PCDH15: variants seen among roughly 807,000 people sequenced by gnomAD.
PCDH15 encodes protocadherin-15.
PCDH15 carries 129 observed loss-of-function variants against 178.5 expected under a neutral mutation model. The observed-to-expected ratio is 0.72, with a 90% CI of 0.63 to 0.84. PCDH15 has a LOEUF of 0.84. Ranked by LOEUF, PCDH15 falls within the 40% of genes least tolerant of loss-of-function variation. The probability of loss-of-function intolerance (pLI) is 0.00; values close to 1 mark genes in which losing one functional copy is unlikely to be tolerated. For missense variants in PCDH15, 2,230 were observed against 2,099.9 expected (o/e 1.06, Z -1.21); for synonymous variants, 800 against 732.0 (o/e 1.09, Z -1.50).
intron 3 of PCDH15, among the ~76,000 whole-genome samples, chr10:54,511,914 A>G (rs549859719): frequency 6.6e-6 from 1 of 152,030 alleles, no homozygotes; most frequent in Non-Finnish European, 1.5e-5. Context: ...TGAACTTTGA[A>G]GCCCAGTTGG....
intron 2 of PCDH15, among the ~76,000 whole-genome samples, chr10:55,553,632 A>G (rs998172853): frequency 1.4e-4 from 22 of 151,868 alleles, no homozygotes; most frequent in Non-Finnish European, 2.7e-4. Flanking sequence ...CCTCTTGTTC[A>G]TTAGCTGTGA....
intron 2 of PCDH15, among the ~76,000 whole-genome samples, chr10:54,914,994 T>C (rs1447993667): frequency 6.6e-6 from 1 of 152,242 alleles, no homozygotes; most frequent in Non-Finnish European, 1.5e-5. Context: ...TTTTACCCTG[T>C]ATCACTGGTG....
chr10:55,618,566 C>T (rs1417555053), intron 2 of PCDH15, among the ~76,000 whole-genome samples: 3 of 152,050 alleles, frequency 2.0e-5, no homozygotes, highest in African/African-American at 4.8e-5. Context: ...CCCCAAAACA[C>T]TTGTTCAAAA....
At chr10:54,810,115 T>G (rs1952839883) in intron 3 of PCDH15, among the ~76,000 whole-genome samples, 1 of 152,146 alleles carries the variant, frequency 6.6e-6, no homozygotes, top group Admixed American at 6.5e-5. Flanking sequence ...CAAAAATGAA[T>G]GCTCAGGATA....
At chr10:53,914,582 G>T (rs1219539034) in intron 25 of PCDH15, among the ~76,000 whole-genome samples, 1 of 152,136 alleles carries the variant, frequency 6.6e-6, no homozygotes, top group Non-Finnish European at 1.5e-5. Flanking sequence ...CTTGGACACA[G>T]GGGAGGGAAC....
At chr10:54,403,772 T>A (rs1253992766) in intron 3 of PCDH15, among the ~76,000 whole-genome samples, 2 of 151,720 alleles carry the variant, frequency 1.3e-5, no homozygotes, top group African/African-American at 4.8e-5. Context: ...CGTACAAAAA[T>A]CACTAGCACT....
intron 30 of PCDH15, among the ~76,000 whole-genome samples, chr10:53,829,163 G>A (rs538310165): frequency 7.2e-5 from 11 of 152,266 alleles, no homozygotes; most frequent in African/African-American, 2.4e-4. Flanking sequence ...AGGTACAAAT[G>A]TTAGGTCTTT....
At chr10:54,556,834 A>C (rs1389063561) in intron 2 of PCDH15, among the ~76,000 whole-genome samples, 2 of 151,814 alleles carry the variant, frequency 1.3e-5, no homozygotes, top group Admixed American at 6.6e-5. Flanking sequence ...TATTATAAGC[A>C]TAATTAGCTG....
At chr10:55,173,357 A>T (rs1422368481) in intron 1 of PCDH15, among the ~76,000 whole-genome samples, 1 of 96,148 alleles carries the variant, frequency 1.0e-5, no homozygotes, top group Non-Finnish European at 2.6e-5. Flanking sequence ...ATGTGTATGT[A>T]GAAGGATGGG....
intron 2 of PCDH15, among the ~76,000 whole-genome samples, chr10:55,135,149 A>G (rs1213520419): frequency 6.6e-6 from 1 of 152,170 alleles, no homozygotes; most frequent in African/African-American, 2.4e-5. Context: ...TTTAAATTTC[A>G]TAATAGATTA....
intron 7 of PCDH15, among the ~76,000 whole-genome samples, chr10:54,320,308 C>A (rs2061518828): frequency 1.3e-5 from 2 of 152,146 alleles, no homozygotes; most frequent in South Asian, 4.1e-4. Context: ...CCTTTGACTC[C>A]TAGAAACCTA....
intron 2 of PCDH15, among the ~76,000 whole-genome samples, chr10:55,152,008 A>C (rs934720907): frequency 1.3e-5 from 2 of 152,042 alleles, no homozygotes; most frequent in African/African-American, 4.8e-5. Context: ...TATGTGGATG[A>C]AAGAGATGAG....
chr10:54,819,445 A>T (rs1040202987), intron 3 of PCDH15, among the ~76,000 whole-genome samples: 1 of 151,970 alleles, frequency 6.6e-6, no homozygotes, highest in Admixed American at 6.6e-5. Flanking sequence ...GTTTTAAAAA[A>T]CAGAGCTTAT....
At chr10:55,563,359 T>A (rs1215572859) in intron 2 of PCDH15, among the ~76,000 whole-genome samples, 1 of 151,656 alleles carries the variant, frequency 6.6e-6, no homozygotes. Flanking sequence ...ATGAGGGAAA[T>A]TAGAAAGTTT....
In PCDH15 at chr10:55,598,362, G is replaced by A. The variant is rs573270567; in HGVS notation, c.-156+29263C>T. Among the ~76,000 whole-genome samples, 15 of 151,314 alleles carry A rather than the reference G, an allele frequency of 9.9e-5. No individual in the cohort carries two copies. In the South Asian group the frequency reaches 3.2e-3, roughly 32 times the overall value. On this transcript the variant is annotated intron_variant, in intron 2 of 5. Transcript: ENST00000613346. ...AATAGTTATATTAACAAGACTGTTCGCCAGAGTACTACATGCAGCAGCTTA... is the reference window on the plus strand; with the variant it reads ...AATAGTTATATTAACAAGACTGTTCACCAGAGTACTACATGCAGCAGCTTA...
At position 54,123,346 on chromosome 10, in the gene PCDH15, A is replaced by G. The variant is rs960927103; in HGVS notation, c.1917+9529T>C. Among the ~76,000 whole-genome samples the G allele has an allele frequency of 2.0e-5, 3 of 152,276 alleles. No individual in the cohort carries two copies. In the East Asian group the frequency reaches 5.8e-4, roughly 29 times the overall value. ...CAAGCAAAAACAAAAAATTCCATCAAAAAATGAGTAAAAGACATTAATAGG... is the reference window on the plus strand; with the variant it reads ...CAAGCAAAAACAAAAAATTCCATCAGAAAATGAGTAAAAGACATTAATAGG... On this transcript the variant is annotated intron_variant, in intron 15 of 37. Transcript: ENST00000644397.
At chr10:54,478,110 G>C (rs2078416590) in intron 3 of PCDH15, among the ~76,000 whole-genome samples, 1 of 152,006 alleles carries the variant, frequency 6.6e-6, no homozygotes, top group African/African-American at 2.4e-5. Flanking sequence ...TTTTTCAAAA[G>C]CTTACAGATT....
chr10:54,220,618 G>A (rs571493339), intron 9 of PCDH15, among the ~76,000 whole-genome samples: 1 of 152,218 alleles, frequency 6.6e-6, no homozygotes, highest in South Asian at 2.1e-4. Context: ...GAGGTCAGGA[G>A]ATCGAGACCA....
intron 14 of PCDH15, among the ~76,000 whole-genome samples, chr10:54,144,460 A>G (rs960790205): frequency 8.5e-5 from 13 of 152,190 alleles, no homozygotes; most frequent in African/African-American, 3.1e-4. Context: ...CACCATATTC[A>G]GATAATGAGA....
Sources: gnomAD v4.1 joint callset for allele counts (sites outside exome capture counted in the v4.1 genomes callset) on GRCh38, gnomAD v4.1.1 for gene constraint, MANE v1.5 for transcripts, NCBI Gene and HGNC (gene_info 2026-07-23, HGNC 2026-07-21) for gene names.